The following DLGAP2 variants were observed in gnomAD, a reference collection of about 807,000 sequenced individuals.
DLGAP2 encodes disks large-associated protein 2.
DLGAP2 carries 26 observed loss-of-function variants against 100.3 expected under a neutral mutation model. That is an observed-to-expected ratio of 0.26 (90% CI 0.19 to 0.36). DLGAP2 has a LOEUF of 0.36. DLGAP2 is among the 10% of genes least tolerant of loss of function. The pLI, the probability that DLGAP2 is intolerant of heterozygous loss-of-function variation, is 1.00. For missense variants in DLGAP2, 1,858 were observed against 1,453.2 expected, an observed-to-expected ratio of 1.28 and a Z score of -4.53; for synonymous variants, 886 against 630.1, an observed-to-expected ratio of 1.41 and a Z score of -6.08.
In DLGAP2 at chr8:1,619,342, G is replaced by A. The variant is rs139583600; in HGVS notation, c.1443-7398G>A. On this transcript the variant is annotated intron_variant, in intron 6 of 14. Coordinates refer to ENST00000637795, the MANE Select transcript of DLGAP2 (RefSeq NM_001346810.2). ...AATACAACATGCCCAAGAGGATACG[G>A]GTGGAGGCCACAGTCAACATCTGTC... Among the ~76,000 whole-genome samples, 341 of 152,298 alleles carry A rather than the reference G, an allele frequency of 2.2e-3. 1 individual carries two copies. The highest frequency in any genetic ancestry group is 7.9e-3 in the African/African-American group (327 of 41,566).
chr8:1,260,390 C>T (rs1014146667), intron 3 of DLGAP2, among the ~76,000 whole-genome samples: 1 of 152,086 alleles, frequency 6.6e-6, no homozygotes, highest in African/African-American at 2.4e-5. Flanking sequence ...TTGCATCTTG[C>T]TCTTCGTCTA....
chr8:1,452,825 C>T (rs999786143), intron 3 of DLGAP2, among the ~76,000 whole-genome samples: 5 of 152,150 alleles, frequency 3.3e-5, no homozygotes, highest in African/African-American at 1.2e-4. Context: ...GGATCCCAGC[C>T]TATGAAACCA....
chr8:1,194,893 C>G (rs34926578), intron 2 of DLGAP2, among the ~76,000 whole-genome samples: 198 of 152,368 alleles, frequency 1.3e-3, no homozygotes, highest in African/African-American at 4.5e-3. Flanking sequence ...TTGGTGCTCA[C>G]GCTTTGCTGC....
At chr8:1,051,303 C>G (rs1802703522) in intron 2 of DLGAP2, among the ~76,000 whole-genome samples, 1 of 152,130 alleles carries the variant, frequency 6.6e-6, no homozygotes, top group Admixed American at 6.5e-5. Context: ...CAGCACTCAC[C>G]TGGGAGGGGC....
intron 12 of DLGAP2, among the ~76,000 whole-genome samples, chr8:1,686,138 T>C (rs1043127303): frequency 6.6e-6 from 1 of 152,176 alleles, no homozygotes; most frequent in African/African-American, 2.4e-5. Context: ...TATTGCAGCA[T>C]TATTCATGTT....
chr8:1,285,794 C>CT (rs1799909749), intron 3 of DLGAP2, among the ~76,000 whole-genome samples: 1 of 152,156 alleles, frequency 6.6e-6, no homozygotes, highest in Non-Finnish European at 1.5e-5. Flanking sequence ...CATAGCTAGA[C>CT]TTCTTCTCTA....
intron 1 of DLGAP2, among the ~76,000 whole-genome samples, chr8:794,313 G>A (rs559969398): frequency 1.5e-4 from 23 of 152,272 alleles, no homozygotes; most frequent in South Asian, 4.1e-4. Flanking sequence ...AGTGGTGCTA[G>A]AGGAATTAAA....
intron 3 of DLGAP2, among the ~76,000 whole-genome samples, chr8:1,479,850 G>T (rs1799039987): frequency 6.6e-6 from 1 of 152,206 alleles, no homozygotes; most frequent in African/African-American, 2.4e-5. Flanking sequence ...GGAAGACTTT[G>T]TTGGGATGGA....
chr8:1,634,744 T>C (rs1196975862), intron 8 of DLGAP2, among the ~76,000 whole-genome samples: 2 of 152,158 alleles, frequency 1.3e-5, no homozygotes, highest in African/African-American at 4.8e-5. Context: ...AATCATTACC[T>C]CGTAGAAAAG....
At position 1,255,747 on chromosome 8, in the gene DLGAP2, G is replaced by A. The variant is rs1364723840; in HGVS notation, c.74-3104G>A. Among the ~76,000 whole-genome samples the A allele has an allele frequency of 7.0e-5, 10 of 143,676 alleles. No individual in the cohort carries two copies. The East Asian group carries it at 1.8e-3, about 26-fold the overall frequency. 94.3% of individuals were successfully genotyped at this position (143,676 alleles called of 152,430 possible). A position where few individuals can be genotyped will look rare whatever the true frequency, so the allele number is the denominator to read the frequency against. On this transcript the variant is annotated intron_variant, in intron 2 of 14. Coordinates refer to ENST00000637795, the MANE Select transcript of DLGAP2 (RefSeq NM_001346810.2). ...GTCCTCTCCTGCCCGAGCACTGTAT[G>A]TGTGTCCTCTCCTGCCTGGGTGCTG...
intron 7 of DLGAP2, among the ~76,000 whole-genome samples, chr8:1,629,664 A>C (rs144330884): frequency 6.6e-6 from 1 of 152,370 alleles, no homozygotes; most frequent in Non-Finnish European, 1.5e-5. Flanking sequence ...CTTTCAGTGG[A>C]TATAACCTAG....
At chr8:966,453 C>T (rs1414485311) in intron 2 of DLGAP2, among the ~76,000 whole-genome samples, 1 of 152,202 alleles carries the variant, frequency 6.6e-6, no homozygotes, top group East Asian at 1.9e-4. Context: ...GTGAATCAAA[C>T]ATCTTTTTCT....
intron 2 of DLGAP2, among the ~76,000 whole-genome samples, chr8:1,169,247 G>A (rs35953739): frequency 0.46 from 70,452 of 152,052 alleles, 18,666 homozygotes; most frequent in Admixed American, 0.61. Flanking sequence ...CTATATCTCT[G>A]TTTTGGTACC....
intron 13 of DLGAP2, among the ~76,000 whole-genome samples, chr8:1,693,469 T>C (rs547054930): frequency 6.6e-6 from 1 of 152,264 alleles, no homozygotes; most frequent in South Asian, 2.1e-4. Context: ...AATAAGTTGT[T>C]TTATAATACA....
chr8:1,303,720 C>T (rs1246401811), intron 3 of DLGAP2, among the ~76,000 whole-genome samples: 2 of 152,150 alleles, frequency 1.3e-5, no homozygotes, highest in Non-Finnish European at 1.5e-5. Context: ...CGGGTGCTTC[C>T]TCCCAGGCAT....
intron 2 of DLGAP2, among the ~76,000 whole-genome samples, chr8:1,190,324 G>A (rs1199495881): frequency 2.6e-5 from 4 of 152,138 alleles, no homozygotes; most frequent in South Asian, 4.1e-4. Flanking sequence ...CACGTGGCTC[G>A]GTGAAATAGA....
intron 6 of DLGAP2, among the ~76,000 whole-genome samples, chr8:1,618,463 C>G (rs950064222): frequency 6.6e-6 from 1 of 152,106 alleles, no homozygotes; most frequent in Non-Finnish European, 1.5e-5. Context: ...TGAAATCTCC[C>G]CAGACTGAGG....
chr8:1,361,746 T>C (rs1375184422), intron 3 of DLGAP2, among the ~76,000 whole-genome samples: 2 of 152,158 alleles, frequency 1.3e-5, no homozygotes, highest in African/African-American at 2.4e-5. Context: ...TGCGAGTGAG[T>C]CGGAAATTTG....
chr8:1,654,368 G>C (rs911749999), intron 8 of DLGAP2, among the ~76,000 whole-genome samples: 1 of 152,166 alleles, frequency 6.6e-6, no homozygotes, highest in East Asian at 1.9e-4. Context: ...CATTCTTAAA[G>C]AATTGGAACA....
Sources: gnomAD v4.1 joint callset for allele counts (sites outside exome capture counted in the v4.1 genomes callset) on GRCh38, gnomAD v4.1.1 for gene constraint, MANE v1.5 for transcripts, NCBI Gene and HGNC (gene_info 2026-07-23, HGNC 2026-07-21) for gene names.